KLHDC4: variants seen among roughly 807,000 people sequenced by gnomAD.
The protein encoded by KLHDC4 is kelch domain-containing protein 4.
A neutral mutation model predicts 62.4 loss-of-function variants in KLHDC4; 90 were observed. That is an observed-to-expected ratio of 1.44 (90% CI 1.22 to 1.72). KLHDC4 has a LOEUF of 1.72. KLHDC4 is among the 40% of genes most tolerant of loss of function. The pLI, the probability that KLHDC4 is intolerant of heterozygous loss-of-function variation, is 0.00. For missense variants in KLHDC4, 1,025 were observed against 699.7 expected, an observed-to-expected ratio of 1.47 and a Z score of -5.25; for synonymous variants, 386 against 284.4, an observed-to-expected ratio of 1.36 and a Z score of -3.59.
chr16:87,715,676 C>T (rs1335776118), intron 7 of KLHDC4, among the ~76,000 whole-genome samples: 3 of 152,276 alleles, frequency 2.0e-5, no homozygotes, highest in East Asian at 1.9e-4. Context: ...ATCATTAGGA[C>T]GATCCCCGGG....
chr16:87,702,503 C>T, exon 1 of KLHDC4: 2 of 358,254 alleles, frequency 5.6e-6, no homozygotes, highest in Non-Finnish European at 1.1e-5. Context: ...CCGGCAGCAA[C>T]TTCCCAGGCA....
chr16:87,730,768 CAAATT>C, intron 5 of KLHDC4, 124 bp from the exon 6 acceptor site: 2 of 765,328 alleles, frequency 2.6e-6, no homozygotes, highest in Non-Finnish European at 4.4e-6. Flanking sequence ...TTACTGCTCA[CAAATT>C]AAATACCATT....
At chr16:87,699,095 G>C (rs2034024382) in exon 1 of KLHDC4, 1 of 152,222 alleles carries the variant, frequency 6.6e-6, no homozygotes, top group African/African-American at 2.4e-5. Context: ...GTCCACCTCT[G>C]GCCCAGGAAC....
Position 87,711,363 on chromosome 16 carries a change from T to A in KLHDC4, c.916A>T (p.Asn306Tyr). The change falls in exon 9 of 12, where the codon AAT becomes TAT. Residue 306 changes from asparagine to tyrosine, a missense_variant. Transcript: ENST00000270583. ...CCCCCGAAGAACAGTGTCTGGTGAT[T>A]CGGGGCCATGGCCACGGAAAAGCCA... is the stretch of plus-strand genomic sequence containing the variant. ...RSGFSVAMAPNHQTLFFGGVC... is the reference protein window; with the variant it reads ...RSGFSVAMAPYHQTLFFGGVC... The A allele has an allele frequency of 6.2e-7, 1 of 1,613,884 alleles. No individual in the cohort carries two copies. The highest frequency in any genetic ancestry group is 2.2e-5 in the East Asian group (1 of 44,874).
chr16:87,734,751 G>A (rs1324655019), intron 5 of KLHDC4, among the ~76,000 whole-genome samples: 1 of 152,156 alleles, frequency 6.6e-6, no homozygotes, highest in Non-Finnish European at 1.5e-5. Flanking sequence ...TTTCTTTGGA[G>A]TCCTGCAAGC....
intron 1 of KLHDC4, among the ~76,000 whole-genome samples, chr16:87,762,306 ACTTAGACAAGCCCGTTGT>A (rs2046003811): frequency 6.6e-6 from 1 of 152,152 alleles, no homozygotes; most frequent in Non-Finnish European, 1.5e-5. Flanking sequence ...AAGACCTTCC[ACTTAGACAAGCCCGTTGT>A]GACTTCACTG....
chr16:87,755,162 G>C (rs1422069869), intron 4 of KLHDC4, 32 bp downstream of exon 4: 2 of 1,441,414 alleles, frequency 1.4e-6, no homozygotes. Context: ...GTGGGAAGAG[G>C]GAGGGTGGCT....
At chr16:87,733,033 C>A (rs36052261) in intron 5 of KLHDC4, among the ~76,000 whole-genome samples, 11 of 118,610 alleles carry the variant, frequency 9.3e-5, no homozygotes, top group South Asian at 6.1e-4. Flanking sequence ...CAGCTTCTAT[C>A]GGTGAAAAGG....
At chr16:87,760,234 TAAA>T (rs559070076) in intron 2 of KLHDC4, among the ~76,000 whole-genome samples, 1 of 109,942 alleles carries the variant, frequency 9.1e-6, no homozygotes. Flanking sequence ...AAAATATCAT[TAAA>T]AAAAAAAAAA....
intron 7 of KLHDC4, among the ~76,000 whole-genome samples, chr16:87,717,998 A>G (rs991579285): frequency 6.6e-6 from 1 of 152,130 alleles, no homozygotes; most frequent in Admixed American, 6.5e-5. Flanking sequence ...ATCTGCTCAC[A>G]CGGGTCCACA....
At chr16:87,717,999 C>A (rs920211621) in intron 7 of KLHDC4, among the ~76,000 whole-genome samples, 2 of 152,200 alleles carry the variant, frequency 1.3e-5, no homozygotes, top group Admixed American at 6.5e-5. Context: ...TCTGCTCACA[C>A]GGGTCCACAG....
At chr16:87,711,556 G>A (rs549464244) in intron 8 of KLHDC4, 113 bp from the exon 9 acceptor site, 25 of 866,220 alleles carry the variant, frequency 2.9e-5, no homozygotes, top group Admixed American at 5.8e-5. Context: ...AATGAAAACC[G>A]TGAGACTGTG....
intron 7 of KLHDC4, among the ~76,000 whole-genome samples, chr16:87,717,322 G>A (rs1400234897): frequency 1.3e-5 from 2 of 152,374 alleles, no homozygotes; most frequent in East Asian, 3.9e-4. Flanking sequence ...ATCTGGTAGA[G>A]CAAGGAAATA....
At chr16:87,738,624 C>T (rs1048763897) in intron 5 of KLHDC4, among the ~76,000 whole-genome samples, 3 of 125,110 alleles carry the variant, frequency 2.4e-5, no homozygotes, top group African/African-American at 6.1e-5. Context: ...CTCATCCATC[C>T]ACACACCAGC....
chr16:87,707,799 C>A (rs1188221984), downstream of KLHDC4: 21 of 377,100 alleles, frequency 5.6e-5, 1 homozygote, highest in Admixed American at 6.3e-4. Context: ...ACAGAAGACA[C>A]CCTCCGCGGT....
chr16:87,724,694 C>T (rs1249398954), intron 7 of KLHDC4, among the ~76,000 whole-genome samples: 1 of 152,162 alleles, frequency 6.6e-6, no homozygotes, highest in Admixed American at 6.5e-5. Flanking sequence ...CTGGTATGAA[C>T]AGGGGGCAAC....
Position 87,756,676 on chromosome 16 carries a change from A to C in KLHDC4, c.192-199T>G, listed in dbSNP as rs77817702. On this transcript the variant is annotated intron_variant, in intron 2 of 11. Transcript: ENST00000270583. The stretch of plus-strand genomic sequence containing the variant: ...TACCAGTGCCCAGGGCCACACTCCA[A>C]GGACAACCATGGAGCTGGACTGACA... Among the ~76,000 whole-genome samples the C allele has an allele frequency of 8.4e-3, 1,261 of 150,718 alleles. 20 individuals carry two copies. The highest frequency in any genetic ancestry group is 0.03 in the African/African-American group (1,212 of 40,972).
intron 7 of KLHDC4, among the ~76,000 whole-genome samples, chr16:87,721,706 A>G (rs2038384632): frequency 6.6e-6 from 1 of 152,348 alleles, no homozygotes; most frequent in African/African-American, 2.4e-5. Context: ...GTGGCAAATG[A>G]AAGGACGCTC....
intron 5 of KLHDC4, among the ~76,000 whole-genome samples, chr16:87,733,795 G>A (rs372794200): frequency 2.0e-4 from 30 of 149,426 alleles, no homozygotes; most frequent in East Asian, 3.9e-4. Context: ...GACCTGCCTC[G>A]CCTCCTACTT....
Sources: gnomAD v4.1 joint callset for allele counts (sites outside exome capture counted in the v4.1 genomes callset) on GRCh38, gnomAD v4.1.1 for gene constraint, MANE v1.5 for transcripts, NCBI Gene and HGNC (gene_info 2026-07-23, HGNC 2026-07-21) for gene names.